The following EDAR variants were observed in gnomAD, a reference collection of about 807,000 sequenced individuals.
EDAR encodes the protein ectodysplasin A receptor.
Under a neutral mutation model 51.3 loss-of-function variants are expected in EDAR, and 38 were observed. That is an observed-to-expected ratio of 0.74 (90% CI 0.57 to 0.97). The LOEUF (loss-of-function observed/expected upper bound fraction) is 0.97. Ranked by LOEUF, EDAR falls within the 50% of genes least tolerant of loss-of-function variation. The pLI, the probability that EDAR is intolerant of heterozygous loss-of-function variation, is 0.00. For synonymous variants in EDAR, 227 were observed against 242.1 expected, an observed-to-expected ratio of 0.94 and a Z score of 0.58; for missense variants, 528 against 595.0, an observed-to-expected ratio of 0.89 and a Z score of 1.17.
intron 1 of EDAR, among the ~76,000 whole-genome samples, chr2:108,987,007 C>T (rs1258550123): frequency 6.6e-6 from 1 of 152,140 alleles, no homozygotes; most frequent in Non-Finnish European, 1.5e-5. Context: ...CAGGTGTCAT[C>T]CAGGATAATT....
intron 10 of EDAR, 45 bp downstream of exon 10, chr2:108,907,815 G>A (rs1696839808): frequency 1.9e-6 from 3 of 1,607,710 alleles, no homozygotes; most frequent in Non-Finnish European, 2.6e-6. Context: ...CGGCTGTGAG[G>A]GAGCCACATC....
chr2:108,971,624 T>C (rs965209688), intron 1 of EDAR, among the ~76,000 whole-genome samples: 3 of 152,078 alleles, frequency 2.0e-5, no homozygotes, highest in African/African-American at 7.2e-5. Flanking sequence ...GTATTAGAGA[T>C]AGGATCAGCT....
chr2:108,896,716 G>T lies in EDAR; in HGVS notation c.*191C>A. On this transcript the variant is annotated 3_prime_UTR_variant, in exon 12 of 12. Coordinates refer to ENST00000258443, the MANE Select transcript of EDAR (RefSeq NM_022336.4). ...CAGGCGAGCATCTGAAAGTATCCCG[G>T]CTCTAGTCCTTTATCTTTGGTTAAA... 1 of 616,928 alleles carries T rather than the reference G, an allele frequency of 1.6e-6. No individual in the cohort carries two copies. The highest frequency in any genetic ancestry group is 2.8e-6 in the Non-Finnish European group (1 of 353,490). 38.2% of individuals were successfully genotyped at this position (616,928 alleles called of 1,614,324 possible).
chr2:108,957,251 G>A (rs1193012853), intron 1 of EDAR, among the ~76,000 whole-genome samples: 1 of 152,218 alleles, frequency 6.6e-6, no homozygotes, highest in Non-Finnish European at 1.5e-5. Context: ...CCAGGTGGCT[G>A]TTCACCTTCG....
rs1379250386 is a variant in EDAR at position 108,942,508 on chromosome 2, C to T, written c.-18-11476G>A. Among the ~76,000 whole-genome samples, 3 of 152,360 alleles carry T rather than the reference C, an allele frequency of 2.0e-5. No homozygotes were observed. In the East Asian group the frequency reaches 5.8e-4, roughly 29 times the overall value. On this transcript the variant is annotated intron_variant, in intron 1 of 11. Coordinates refer to ENST00000258443, the MANE Select transcript of EDAR (RefSeq NM_022336.4). ...AAGTTCCCGGGGAGGCCAGGTGAAC[C>T]ACGATGAACCACGGCGACGGCAGGG...
rs570435289 is a variant in EDAR at position 108,895,646 on chromosome 2, T to G, written c.*1261A>C. 1.4e-4 allele frequency: 22 copies of G among 152,386 alleles called. No individual in the cohort carries two copies. Among genetic ancestry groups the G allele is most frequent in the African/African-American group, 4.8e-4 (20 of 41,574 alleles). 9.4% of individuals were successfully genotyped at this position (152,386 alleles called of 1,614,324 possible). A position where few individuals can be genotyped will look rare whatever the true frequency, so the allele number is the denominator to read the frequency against. ...ATTTCCTATAGCTCCACTTTCTTTT[T>G]GCTCACCTGAACCCTACCTGCCCCA... On this transcript the variant is annotated 3_prime_UTR_variant, in exon 12 of 12. Transcript: ENST00000258443.
intron 4 of EDAR, among the ~76,000 whole-genome samples, chr2:108,926,268 T>C (rs1447853331): frequency 1.3e-5 from 2 of 152,170 alleles, no homozygotes; most frequent in Non-Finnish European, 2.9e-5. Flanking sequence ...TCTAATTTGC[T>C]ACTTTTTGAT....
rs1388587376 is a variant in EDAR at position 108,896,990 on chromosome 2, C to T, written c.1264G>A (p.Asp422Asn). The T allele has an allele frequency of 6.2e-7, 1 of 1,613,854 alleles. No homozygotes were observed. Among genetic ancestry groups the T allele is most frequent in the East Asian group, 2.2e-5 (1 of 44,852 alleles). ...TCTGCACACAAGGACTCCACAGCAT[C>T]CAGCCGCTCAATCTGCACCAGTTTT... Reference protein sequence around the residue: ...LTKLVQIERLDAVESLCADIL... With the variant: ...LTKLVQIERLNAVESLCADIL... Residue 422 changes from aspartate to asparagine, a missense_variant, in exon 12 of 12, where the codon GAT becomes AAT. Physicochemically the swap from Asp to Asn is conservative, Grantham distance 23. Coordinates refer to ENST00000258443, the MANE Select transcript of EDAR (RefSeq NM_022336.4).
intron 1 of EDAR, among the ~76,000 whole-genome samples, chr2:108,932,404 C>T (rs1045565310): frequency 2.0e-5 from 3 of 151,630 alleles, no homozygotes; most frequent in African/African-American, 7.3e-5. Flanking sequence ...TGGTGGGCAC[C>T]TGTAGTCCCA....
chr2:108,908,558 C>T (rs890095267), intron 9 of EDAR, among the ~76,000 whole-genome samples: 7 of 152,058 alleles, frequency 4.6e-5, no homozygotes, highest in African/African-American at 1.7e-4. Flanking sequence ...GTGTGCATTG[C>T]AGGGGGTGGC....
In EDAR at chr2:108,911,213, A is replaced by T. The variant is rs1165651150; in HGVS notation, c.530-141T>A. 4.8e-6 allele frequency: 5 copies of T among 1,050,392 alleles called. No homozygotes were observed. The Admixed American group carries it at 6.0e-5, about 13-fold the overall frequency. 65.1% of individuals were successfully genotyped at this position (1,050,392 alleles called of 1,614,324 possible). A position where few individuals can be genotyped will look rare whatever the true frequency, so the allele number is the denominator to read the frequency against. ...CCTGAAATCTGAGGTGCTTGCTTAG[A>T]CTGAGAACCAAATCCTCCGCGCTGG... On this transcript the variant is annotated intron_variant, in intron 6 of 11. Transcript: ENST00000258443.
chr2:108,969,400 G>A (rs777922789), intron 1 of EDAR, among the ~76,000 whole-genome samples: 5 of 152,122 alleles, frequency 3.3e-5, no homozygotes, highest in East Asian at 1.9e-4. Flanking sequence ...CCGGTGAGAG[G>A]AGAACGATTA....
intron 1 of EDAR, among the ~76,000 whole-genome samples, chr2:108,938,016 C>T (rs1574391920): frequency 1.3e-5 from 2 of 152,242 alleles, no homozygotes; most frequent in East Asian, 1.9e-4. Context: ...AAATATAATG[C>T]ATGAAACACT....
chr2:108,979,574 G>A (rs1558845271), intron 1 of EDAR, among the ~76,000 whole-genome samples: 5 of 152,224 alleles, frequency 3.3e-5, no homozygotes, highest in Admixed American at 2.6e-4. Context: ...GTCAGGTGGC[G>A]GCTGGGGACT....
chr2:108,956,094 G>C (rs1697920693), intron 1 of EDAR, among the ~76,000 whole-genome samples: 1 of 152,112 alleles, frequency 6.6e-6, no homozygotes. Flanking sequence ...TGGTTTGACT[G>C]TTTCATTCCC....
At chr2:108,975,191 G>T (rs115621944) in intron 1 of EDAR, among the ~76,000 whole-genome samples, 1,685 of 152,344 alleles carry the variant, frequency 0.011, 27 homozygotes, top group African/African-American at 0.038. Context: ...CTGCAGTCCA[G>T]CCTGTGTGGG....
At chr2:108,967,139 T>G (rs1698162799) in intron 1 of EDAR, among the ~76,000 whole-genome samples, 1 of 152,174 alleles carries the variant, frequency 6.6e-6, no homozygotes, top group African/African-American at 2.4e-5. Flanking sequence ...TTTGTCATGT[T>G]GGTTAGGCTG....
chr2:108,925,405 C>T (rs1697233953), intron 4 of EDAR, among the ~76,000 whole-genome samples: 1 of 152,218 alleles, frequency 6.6e-6, no homozygotes, highest in Non-Finnish European at 1.5e-5. Flanking sequence ...GGCGGATGCA[C>T]AACACCCGGC....
chr2:108,907,756 A>G (rs1696838636), intron 10 of EDAR, 104 bp downstream of exon 10: 3 of 1,370,192 alleles, frequency 2.2e-6, no homozygotes, highest in Admixed American at 1.7e-5. Flanking sequence ...TCTGGGAGAA[A>G]CACCCCGTCT....
Sources: gnomAD v4.1 joint callset for allele counts (sites outside exome capture counted in the v4.1 genomes callset) on GRCh38, gnomAD v4.1.1 for gene constraint, MANE v1.5 for transcripts, NCBI Gene and HGNC (gene_info 2026-07-23, HGNC 2026-07-21) for gene names.